RGSL1: variants seen among roughly 807,000 people sequenced by gnomAD.
RGSL1 encodes the protein regulator of G protein signaling like 1, also known as regulator of G protein signaling protein-like.
RGSL1 carries 97 observed loss-of-function variants against 124.7 expected under a neutral mutation model. The ratio of observed to expected loss-of-function variants is 0.78; its 90% confidence interval spans 0.66 to 0.92. The LOEUF (loss-of-function observed/expected upper bound fraction) is 0.92, where lower values mean the gene tolerates loss of function less well. RGSL1 is among the 40% of genes least tolerant of loss of function. The pLI is 0.00. For synonymous variants in RGSL1, 424 were observed against 438.1 expected (o/e 0.97, Z 0.40); for missense variants, 1,233 against 1,288.4 (o/e 0.96, Z 0.66).
intron 3 of RGSL1, 127 bp downstream of exon 3, chr1:182,458,520 A>C: frequency 1.3e-6 from 1 of 780,586 alleles, no homozygotes. Flanking sequence ...CCCAGGCTGC[A>C]GTGCGGTGAT....
At chr1:182,450,641 G>T in intron 1 of RGSL1, 1 of 214,364 alleles carries the variant, frequency 4.7e-6, no homozygotes, top group Non-Finnish European at 9.6e-6. Context: ...ACAGAGCCTT[G>T]TCTCTATATC....
intron 15 of RGSL1, among the ~76,000 whole-genome samples, chr1:182,547,892 C>T (rs1046791009): frequency 1.3e-5 from 2 of 152,114 alleles, no homozygotes; most frequent in African/African-American, 4.8e-5. Context: ...CTTCCCATTA[C>T]CACTGGAATT....
intron 4 of RGSL1, among the ~76,000 whole-genome samples, chr1:182,466,717 G>A (rs943503010): frequency 6.6e-6 from 1 of 152,100 alleles, no homozygotes; most frequent in Non-Finnish European, 1.5e-5. Context: ...TTTATGGACT[G>A]GAAAACTTAA....
At chr1:182,473,248 A>G (rs1443720228) in intron 5 of RGSL1, among the ~76,000 whole-genome samples, 3 of 152,176 alleles carry the variant, frequency 2.0e-5, no homozygotes, top group African/African-American at 7.2e-5. Context: ...AATCCTGTTC[A>G]GATGTAGATG....
chr1:182,464,049 A>G (rs1010030187), intron 4 of RGSL1, among the ~76,000 whole-genome samples: 2 of 152,222 alleles, frequency 1.3e-5, no homozygotes, highest in Non-Finnish European at 2.9e-5. Flanking sequence ...TAAATAACAG[A>G]AGTTAAAGTA....
chr1:182,454,141 G>T, intron 2 of RGSL1, 101 bp downstream of exon 2: 1 of 708,530 alleles, frequency 1.4e-6, no homozygotes, highest in Admixed American at 2.6e-5. Context: ...GTTATTTGGG[G>T]TTTTACTAAA....
At chr1:182,485,607 G>T (rs1558286953) in intron 6 of RGSL1, among the ~76,000 whole-genome samples, 1 of 152,160 alleles carries the variant, frequency 6.6e-6, no homozygotes, top group African/African-American at 2.4e-5. Context: ...GGTCATTAGA[G>T]ATTCTGTCAT....
At chr1:182,454,725 ATTG>A (rs1427472725) in intron 2 of RGSL1, among the ~76,000 whole-genome samples, 4 of 152,112 alleles carry the variant, frequency 2.6e-5, no homozygotes, top group Non-Finnish European at 5.9e-5. Flanking sequence ...GTGCATAGAA[ATTG>A]TTGTTGACTG....
At position 182,553,552 on chromosome 1, in the gene RGSL1, A is replaced by G; in HGVS notation, c.3130+11A>G. On this transcript the variant is annotated intron_variant, in intron 19 of 21. Coordinates refer to ENST00000294854, the MANE Select transcript of RGSL1 (RefSeq NM_001137669.2). ...GTTCAGTTCAAAATTGTGAGTTGGA[A>G]TTGGATCCCCACTGATAGTTTGCTA... The G allele has an allele frequency of 6.4e-7, 1 of 1,550,916 alleles. No individual in the cohort carries two copies. The highest frequency in any genetic ancestry group is 8.7e-7 in the Non-Finnish European group (1 of 1,146,292).
chr1:182,531,013 C>G, intron 13 of RGSL1, 103 bp downstream of exon 13: 2 of 1,323,278 alleles, frequency 1.5e-6, no homozygotes, highest in Non-Finnish European at 2.0e-6. Context: ...ATCTGAGACT[C>G]AGATAAATTA....
chr1:182,501,307 CTTTTTTTTTTTTTTTTTTTT>C lies in RGSL1; in HGVS notation c.1825+8189_1825+8208del, dbSNP rs141279993. Reference sequence around the variant, plus strand: ...TTTCTTTTCTTTTCTTTTTTCTTTTCTTTTTTTTTTTTTTTTTTTTTTTTTTTTTTGAGACAGAGTCTTGC... The same window carrying C: ...TTTCTTTTCTTTTCTTTTTTCTTTTCTTTTTTTTTTGAGACAGAGTCTTGC... On this transcript the variant is annotated intron_variant, in intron 9 of 21. Coordinates refer to ENST00000294854, the MANE Select transcript of RGSL1 (RefSeq NM_001137669.2). 5.8e-3 allele frequency among the ~76,000 whole-genome samples: 359 copies of C among 61,406 alleles called. 5 individuals are homozygous for C. The highest frequency in any genetic ancestry group is 0.022 in the African/African-American group (340 of 15,414). The allele number at this position is 61,406 out of a possible 152,430, so 40.3% of individuals were successfully genotyped here. A position where few individuals can be genotyped will look rare whatever the true frequency, so the allele number is the denominator to read the frequency against.
At chr1:182,453,141 T>G (rs1218952152) in intron 1 of RGSL1, among the ~76,000 whole-genome samples, 1 of 152,260 alleles carries the variant, frequency 6.6e-6, no homozygotes, top group Non-Finnish European at 1.5e-5. Flanking sequence ...TTGAATTAAC[T>G]TGGGCAGCAC....
chr1:182,466,508 A>G (rs1455880508), intron 4 of RGSL1, among the ~76,000 whole-genome samples: 2 of 152,200 alleles, frequency 1.3e-5, no homozygotes, highest in Non-Finnish European at 2.9e-5. Flanking sequence ...AACAAAACAA[A>G]AAATCAGTTG....
chr1:182,502,966 C>G (rs1286785909), intron 9 of RGSL1, among the ~76,000 whole-genome samples: 2 of 152,120 alleles, frequency 1.3e-5, no homozygotes, highest in Non-Finnish European at 2.9e-5. Context: ...TGTCATCTCA[C>G]CCCAGTTAAA....
chr1:182,509,971 C>G (rs1345483620), intron 9 of RGSL1, among the ~76,000 whole-genome samples: 1 of 123,394 alleles, frequency 8.1e-6, no homozygotes, highest in Non-Finnish European at 1.7e-5. Context: ...ACAGGGCGGC[C>G]GGGCAGAGAC....
intron 12 of RGSL1, among the ~76,000 whole-genome samples, chr1:182,530,563 A>ACACACACACC (rs1659100267): frequency 6.6e-6 from 1 of 151,708 alleles, no homozygotes; most frequent in South Asian, 2.1e-4. Flanking sequence ...ACACACACAC[A>ACACACACACC]CATTTCTGTT....
At chr1:182,467,432 G>A (rs1653434714) in intron 4 of RGSL1, among the ~76,000 whole-genome samples, 1 of 152,014 alleles carries the variant, frequency 6.6e-6, no homozygotes, top group Non-Finnish European at 1.5e-5. Context: ...ATAGACCAAC[G>A]GAACAGAACA....
chr1:182,536,929 T>C (rs1442963520), intron 14 of RGSL1, among the ~76,000 whole-genome samples: 1 of 152,192 alleles, frequency 6.6e-6, no homozygotes, highest in Non-Finnish European at 1.5e-5. Flanking sequence ...AACCATATAA[T>C]TTGCCATACA....
intron 10 of RGSL1, 129 bp from the exon 11 acceptor site, chr1:182,527,450 C>A: frequency 1.4e-6 from 1 of 710,946 alleles, no homozygotes; most frequent in Non-Finnish European, 2.3e-6. Context: ...GCCAATCCAT[C>A]CACAATGCTT....
Sources: allele counts gnomAD v4.1 joint callset (sites outside exome capture counted in the v4.1 genomes callset), GRCh38; gene constraint gnomAD v4.1.1; transcripts MANE v1.5; gene names NCBI Gene and HGNC (gene_info 2026-07-23, HGNC 2026-07-21).